ABI3BP: variants seen among roughly 807,000 people sequenced by gnomAD.
ABI3BP encodes ABI family member 3 binding protein.
A neutral mutation model predicts 268.6 loss-of-function variants in ABI3BP; 216 were observed. That is an observed-to-expected ratio of 0.80 (90% confidence interval 0.72 to 0.90). The LOEUF (loss-of-function observed/expected upper bound fraction) is 0.90. Among genes scored for constraint, ABI3BP ranks in the 40% least tolerant of loss-of-function variants. The pLI is 0.00. For synonymous variants in ABI3BP, 730 were observed against 730.0 expected (o/e 1.00, Z 0.00); for missense variants, 2,090 against 2,182.4 (o/e 0.96, Z 0.84).
intron 6 of ABI3BP, among the ~76,000 whole-genome samples, chr3:100,884,597 T>TG (rs1266347270): frequency 2.0e-5 from 3 of 152,028 alleles, no homozygotes; most frequent in Non-Finnish European, 2.9e-5. Flanking sequence ...ACATGATCCA[T>TG]GGGGCTATTC....
At chr3:100,988,332 C>G (rs1452604958) in intron 1 of ABI3BP, among the ~76,000 whole-genome samples, 2 of 152,156 alleles carry the variant, frequency 1.3e-5, no homozygotes, top group East Asian at 3.9e-4. Flanking sequence ...TTTATTTCCT[C>G]TTTGTAATCA....
chr3:100,893,564 G>A (rs1314095110), intron 4 of ABI3BP, among the ~76,000 whole-genome samples: 1 of 152,114 alleles, frequency 6.6e-6, no homozygotes, highest in Non-Finnish European at 1.5e-5. Context: ...TTGGTCATTA[G>A]TGACCACCAA....
chr3:100,837,593 C>T (rs1030840897), intron 26 of ABI3BP, among the ~76,000 whole-genome samples: 1 of 152,062 alleles, frequency 6.6e-6, no homozygotes, highest in Non-Finnish European at 1.5e-5. Context: ...CCCGTCTCTA[C>T]TAAAAATACA....
chr3:100,951,947 T>C (rs1488092044), intron 1 of ABI3BP, among the ~76,000 whole-genome samples: 2 of 150,074 alleles, frequency 1.3e-5, no homozygotes, highest in Non-Finnish European at 2.9e-5. Context: ...TGCAATGAGT[T>C]GTAAATAAGT....
chr3:100,935,760 C>A (rs2065830988), intron 1 of ABI3BP, among the ~76,000 whole-genome samples: 1 of 152,070 alleles, frequency 6.6e-6, no homozygotes. Context: ...GGAGTTCACT[C>A]ATGATTTGGC....
chr3:100,858,282 G>T (rs2098960818), intron 14 of ABI3BP, among the ~76,000 whole-genome samples: 1 of 152,136 alleles, frequency 6.6e-6, no homozygotes, highest in Non-Finnish European at 1.5e-5. Context: ...CTTTATAGAA[G>T]GTTTAATGCA....
At chr3:100,993,257 A>G in intron 1 of ABI3BP, 49 bp downstream of exon 1, 1 of 1,282,748 alleles carries the variant, frequency 7.8e-7, no homozygotes, top group Non-Finnish European at 1.1e-6. Flanking sequence ...ATTTAAAAAC[A>G]TCTATATCTT....
chr3:100,961,291 G>C (rs2079008917), intron 1 of ABI3BP, among the ~76,000 whole-genome samples: 1 of 152,180 alleles, frequency 6.6e-6, no homozygotes, highest in South Asian at 2.1e-4. Flanking sequence ...CAAGCTACCT[G>C]TGTTAATAAC....
At chr3:100,941,311 A>G (rs2069114049) in intron 1 of ABI3BP, among the ~76,000 whole-genome samples, 1 of 151,990 alleles carries the variant, frequency 6.6e-6, no homozygotes, top group East Asian at 1.9e-4. Context: ...CAGGAAATTA[A>G]AAGTCTCAGT....
At chr3:100,953,013 T>C (rs965670822) in intron 1 of ABI3BP, among the ~76,000 whole-genome samples, 5 of 152,214 alleles carry the variant, frequency 3.3e-5, no homozygotes, top group African/African-American at 1.2e-4. Flanking sequence ...TAAAACTTCA[T>C]CCTGCATCCT....
intron 1 of ABI3BP, among the ~76,000 whole-genome samples, chr3:100,950,631 G>T (rs977177277): frequency 6.6e-6 from 1 of 151,976 alleles, no homozygotes; most frequent in African/African-American, 2.4e-5. Flanking sequence ...CATTCTACAT[G>T]ATATTATATA....
chr3:100,979,813 A>T (rs1390740367), intron 1 of ABI3BP, among the ~76,000 whole-genome samples: 1 of 152,190 alleles, frequency 6.6e-6, no homozygotes, highest in Non-Finnish European at 1.5e-5. Context: ...GGATTATAGG[A>T]CTCAATGCAC....
In ABI3BP at chr3:100,828,425, GA is replaced by G; in HGVS notation, c.2569del (p.Ser857LeufsTer3). 1.3e-6 allele frequency: 2 copies of G among 1,535,324 alleles called. No individual in the cohort carries two copies. Among genetic ancestry groups the G allele is most frequent in the South Asian group, 2.4e-5 (2 of 83,956 alleles). On this transcript the variant is annotated frameshift_variant, in exon 34 of 68. Transcript: ENST00000471714. LOFTEE classifies it high-confidence loss of function. ...LVPATIFEPVSPIKEAPGTTF... is the reference protein window; with the variant it reads ...LVPATIFEPVXPIKEAPGTTF... ...TGTCCCTGGAGCCTCTTTTATAGGAGAAACTGGTTCAAAGATTGTAGCAGGA... is the reference window on the plus strand; with the variant it reads ...TGTCCCTGGAGCCTCTTTTATAGGAGAACTGGTTCAAAGATTGTAGCAGGA...
At chr3:100,792,863 A>G in intron 54 of ABI3BP, 95 bp from the exon 55 acceptor site, 2 of 1,036,438 alleles carry the variant, frequency 1.9e-6, no homozygotes, top group Non-Finnish European at 2.9e-6. Flanking sequence ...ATGCAATAAT[A>G]AAAGGATAAG....
intron 1 of ABI3BP, among the ~76,000 whole-genome samples, chr3:100,973,966 G>A (rs990212148): frequency 2.0e-5 from 3 of 151,996 alleles, no homozygotes; most frequent in Non-Finnish European, 4.4e-5. Flanking sequence ...GACAAGATGC[G>A]GTTTCTAAGA....
intron 1 of ABI3BP, among the ~76,000 whole-genome samples, chr3:100,959,780 G>C (rs2078306954): frequency 6.6e-6 from 1 of 152,014 alleles, no homozygotes; most frequent in African/African-American, 2.4e-5. Flanking sequence ...GGTGCACTGG[G>C]GTAGCCATGG....
At chr3:100,941,764 A>G (rs1405944540) in intron 1 of ABI3BP, among the ~76,000 whole-genome samples, 1 of 152,186 alleles carries the variant, frequency 6.6e-6, no homozygotes, top group African/African-American at 2.4e-5. Flanking sequence ...AACCCAACCA[A>G]CAGCCAAGTA....
At chr3:100,873,072 A>G (rs145262287) in intron 9 of ABI3BP, among the ~76,000 whole-genome samples, 162 of 152,288 alleles carry the variant, frequency 1.1e-3, no homozygotes, top group Non-Finnish European at 1.8e-3. Context: ...TTCTTCCAGG[A>G]GTTTCTCAAA....
intron 1 of ABI3BP, among the ~76,000 whole-genome samples, chr3:100,964,845 A>G (rs928148918): frequency 6.6e-6 from 1 of 152,204 alleles, no homozygotes; most frequent in Non-Finnish European, 1.5e-5. Context: ...ATTTTCCCCA[A>G]ATTCTGGCTT....
Sources: allele counts gnomAD v4.1 joint callset (sites outside exome capture counted in the v4.1 genomes callset), GRCh38; gene constraint gnomAD v4.1.1; transcripts MANE v1.5; gene names NCBI Gene and HGNC (gene_info 2026-07-23, HGNC 2026-07-21).